CFAP43: variants seen among roughly 807,000 people sequenced by gnomAD.
The protein encoded by CFAP43 is cilia- and flagella-associated protein 43.
CFAP43 carries 155 observed loss-of-function variants against 218.9 expected under a neutral mutation model. The ratio of observed to expected loss-of-function variants is 0.71; its 90% CI spans 0.62 to 0.81. CFAP43 has a LOEUF of 0.81. Among genes scored for constraint, CFAP43 ranks in the 30% least tolerant of loss-of-function variants. The pLI is 0.00. For synonymous variants in CFAP43, 645 were observed against 681.3 expected (o/e 0.95, Z 0.83); for missense variants, 1,778 against 1,954.3 (o/e 0.91, Z 1.70).
chr10:104,164,572 G>T (rs1286020402), intron 23 of CFAP43, among the ~76,000 whole-genome samples: 1 of 151,980 alleles, frequency 6.6e-6, no homozygotes, highest in East Asian at 1.9e-4. Context: ...TAATTTTTTT[G>T]TATTTTTAAT....
chr10:104,194,764 TAA>T (rs2134922459), intron 10 of CFAP43, among the ~76,000 whole-genome samples: 1 of 152,296 alleles, frequency 6.6e-6, no homozygotes, highest in African/African-American at 2.4e-5. Flanking sequence ...TTGTTTTGAA[TAA>T]AATCATGGAA....
At chr10:104,137,040 G>T (rs2087485661) in intron 34 of CFAP43, among the ~76,000 whole-genome samples, 1 of 152,154 alleles carries the variant, frequency 6.6e-6, no homozygotes, top group Non-Finnish European at 1.5e-5. Context: ...ATGAAATGGT[G>T]CAGCTACTAT....
rs916242038 is a variant in CFAP43 at position 104,145,480 on chromosome 10, G to C, written c.3940C>G (p.Pro1314Ala). The C allele has an allele frequency of 1.3e-6, 2 of 1,589,470 alleles. No individual in the cohort carries two copies. Among genetic ancestry groups the C allele is most frequent in the Admixed American group, 3.4e-5 (2 of 59,486 alleles). The stretch of plus-strand genomic sequence containing the variant: ...AATAGTGAAGGAGAAACAAACCTTG[G>C]TCGGCGTTTAAAAAGTTTGTAGAGT... The part of the protein sequence containing the change: ...DILYKLFKRR[P>A]RISKQKTHSE... Residue 1314 changes from proline to alanine, a missense_variant, in exon 31 of 38, where the codon CCA becomes GCA. Pro to Ala is a conservative substitution (Grantham distance 27, BLOSUM62 -1). This residue lies in a region of CFAP43 where 1,553 missense variants were observed against 1,685.2 expected (regional missense o/e 0.92). Transcript: ENST00000357060.
rs970300937 is a variant in CFAP43, at chr10:104,152,801, C to T, written c.3541-75G>A. On this transcript the variant is annotated intron_variant, in intron 27 of 37. Coordinates refer to ENST00000357060, the MANE Select transcript of CFAP43 (RefSeq NM_025145.7). ...CTAGGAAGTGATGTTTACATTTCAC[C>T]ACAAGGGAGGGGCAGATGGAGGGCA... The T allele has an allele frequency of 7.2e-6, 11 of 1,517,566 alleles. No individual in the cohort carries two copies. The African/African-American group carries it at 1.4e-4, about 19-fold the overall frequency. 94.0% of individuals were successfully genotyped at this position (1,517,566 alleles called of 1,614,324 possible). A position where few individuals can be genotyped will look rare whatever the true frequency, so the allele number is the denominator to read the frequency against.
At chr10:104,134,231 A>T (rs1403739183) in intron 34 of CFAP43, among the ~76,000 whole-genome samples, 1 of 151,996 alleles carries the variant, frequency 6.6e-6, no homozygotes, top group East Asian at 1.9e-4. Flanking sequence ...GACCTCAACT[A>T]TACGGAAAAT....
At chr10:104,212,199 ACTT>A (rs1238551797) in intron 4 of CFAP43, 42 bp from the exon 5 acceptor site, 3 of 1,581,528 alleles carry the variant, frequency 1.9e-6, no homozygotes, top group South Asian at 1.1e-5. Flanking sequence ...ATGAACAGAA[ACTT>A]CTTATTGATG....
intron 3 of CFAP43, among the ~76,000 whole-genome samples, chr10:104,217,871 A>G (rs1042191668): frequency 1.3e-5 from 2 of 152,240 alleles, no homozygotes; most frequent in Non-Finnish European, 2.9e-5. Context: ...ATACAAATTT[A>G]GCAGATTTAT....
At chr10:104,227,684 T>C (rs2091338457) in intron 2 of CFAP43, among the ~76,000 whole-genome samples, 1 of 152,150 alleles carries the variant, frequency 6.6e-6, no homozygotes, top group African/African-American at 2.4e-5. Flanking sequence ...CCTGGTTTAT[T>C]ATTTCCCTTT....
Position 104,167,648 on chromosome 10 carries a change from T to C in CFAP43, c.2781A>G (p.Gln927=). 1 of 1,610,822 alleles carries C rather than the reference T, an allele frequency of 6.2e-7. No individual in the cohort carries two copies. Among genetic ancestry groups the C allele is most frequent in the Non-Finnish European group, 8.5e-7 (1 of 1,179,190 alleles). The change falls in exon 22 of 38, where the codon CAA becomes CAG. Residue 927 remains glutamine, a synonymous_variant. Coordinates refer to ENST00000357060, the MANE Select transcript of CFAP43 (RefSeq NM_025145.7). ...ELKELERVLQ[Q]KKIEAECLKL... ...TAAGACACTCTGCTTCAATCTTCTT[T>C]TGCTGTAAAACTCTTTCCAATTCTT...
At chr10:104,141,103 G>T (rs2087685560) in intron 33 of CFAP43, 102 bp from the exon 34 acceptor site, 1 of 1,185,202 alleles carries the variant, frequency 8.4e-7, no homozygotes, top group East Asian at 2.6e-5. Context: ...AAAACATGCT[G>T]GAGATTAGTG....
In CFAP43 at chr10:104,203,704, T is replaced by A. The variant is rs144236614; in HGVS notation, c.1063A>T (p.Asn355Tyr). The A allele has an allele frequency of 2.5e-6, 4 of 1,611,044 alleles. No individual in the cohort carries two copies. The highest frequency in any genetic ancestry group is 2.5e-6 in the Non-Finnish European group (3 of 1,178,794). The change falls in exon 8 of 38, where the codon AAT (asparagine) becomes TAT (tyrosine). Residue 355 changes from asparagine (N) to tyrosine (Y), a missense_variant. Physicochemically the swap from Asn to Tyr is moderately radical, Grantham distance 143. This residue lies in a region of CFAP43 where 1,553 missense variants were observed against 1,685.2 expected (regional missense o/e 0.92). Transcript: ENST00000357060. ...RPVEHMTFSP[N>Y]YTVLLIQTDK... ...GTTTGAATCAGCAACACTGTATAATTGGGAGAAAATGTCATATGTTCTACA... is the reference window on the plus strand; with the variant it reads ...GTTTGAATCAGCAACACTGTATAATAGGGAGAAAATGTCATATGTTCTACA...
At chr10:104,135,674 AGT>A (rs975560805) in intron 34 of CFAP43, among the ~76,000 whole-genome samples, 1 of 152,228 alleles carries the variant, frequency 6.6e-6, no homozygotes, top group Non-Finnish European at 1.5e-5. Flanking sequence ...TTATCTAAAA[AGT>A]GTGTGTACAA....
At chr10:104,157,873 A>T (rs1484783268) in intron 27 of CFAP43, among the ~76,000 whole-genome samples, 1 of 151,796 alleles carries the variant, frequency 6.6e-6, no homozygotes, top group African/African-American at 2.4e-5. Flanking sequence ...CTAAATACCA[A>T]TTGCCAGCAA....
Position 104,176,679 on chromosome 10 carries a change from T to G in CFAP43, c.2460+2350A>C, listed in dbSNP as rs573730326. ...CACGCTCTTCTCCTTTCCAACTGAC[T>G]CAAATGAGATCAAGCAAGGCAATCT... On this transcript the variant is annotated intron_variant, in intron 19 of 37. Transcript: ENST00000357060. Among the ~76,000 whole-genome samples, 7 of 152,196 alleles carry G rather than the reference T, an allele frequency of 4.6e-5. No individual in the cohort carries two copies. The South Asian group carries it at 1.5e-3, about 32-fold the overall frequency.
chr10:104,211,713 C>T (rs1364829177), intron 5 of CFAP43, among the ~76,000 whole-genome samples: 2 of 152,210 alleles, frequency 1.3e-5, no homozygotes, highest in Non-Finnish European at 2.9e-5. Context: ...TTCCCAACTT[C>T]TGCCCAGCAT....
chr10:104,142,242 A>T (rs1238535572), intron 33 of CFAP43, 39 bp downstream of exon 33: 1 of 1,566,088 alleles, frequency 6.4e-7, no homozygotes, highest in Admixed American at 1.7e-5. Context: ...CCCTAATTAG[A>T]CTTTGAATAG....
chr10:104,192,375 G>T, intron 11 of CFAP43, 73 bp from the exon 12 acceptor site: 1 of 1,123,788 alleles, frequency 8.9e-7, no homozygotes, highest in Non-Finnish European at 1.3e-6. Flanking sequence ...TTTATTGAAT[G>T]GCCACAGAGA....
At chr10:104,154,193 C>A (rs1387344169) in intron 27 of CFAP43, among the ~76,000 whole-genome samples, 3 of 152,170 alleles carry the variant, frequency 2.0e-5, no homozygotes, top group Admixed American at 1.3e-4. Context: ...ACACTTTTAT[C>A]TAACAGCTTT....
At chr10:104,162,466 C>CAGTATGTGGAAGGAA in intron 24 of CFAP43, 63 bp from the exon 25 acceptor site, 6 of 1,418,734 alleles carry the variant, frequency 4.2e-6, no homozygotes, top group African/African-American at 1.4e-5. Flanking sequence ...ACTTTCCTTC[C>CAGTATGTGGAAGGAA]ACATACTGGG....
Sources: gnomAD v4.1 joint callset for allele counts (sites outside exome capture counted in the v4.1 genomes callset) on GRCh38, gnomAD v4.1.1 for gene constraint, gnomAD v4.1.1 regional missense constraint, MANE v1.5 for transcripts, NCBI Gene and HGNC (gene_info 2026-07-23, HGNC 2026-07-21) for gene names.